The following MMD2 variants were observed in gnomAD, a reference collection of about 807,000 sequenced individuals.
The protein encoded by MMD2 is monocyte to macrophage differentiation factor 2.
A neutral mutation model predicts 33.5 loss-of-function variants in MMD2; 30 were observed. That is an observed-to-expected ratio of 0.90 (90% CI 0.67 to 1.22). The LOEUF (loss-of-function observed/expected upper bound fraction) is 1.22. Among genes scored for constraint, MMD2 ranks in the 50% most tolerant of loss-of-function variants. The probability of loss-of-function intolerance (pLI) is 0.00; values close to 1 mark genes in which losing one functional copy is unlikely to be tolerated. For synonymous variants in MMD2, 129 were observed against 123.0 expected (o/e 1.05, Z -0.32); for missense variants, 364 against 325.4 (o/e 1.12, Z -0.91).
chr7:4,911,307 G>C (rs1032851295), intron 4 of MMD2, 61 bp from the exon 5 acceptor site: 1 of 1,380,808 alleles, frequency 7.2e-7, no homozygotes, highest in Admixed American at 2.0e-5. Context: ...CCCGGCCCTC[G>C]AGGACCGGCC....
downstream of MMD2, among the ~76,000 whole-genome samples, chr7:4,903,563 C>T (rs769854437): frequency 5.9e-5 from 9 of 152,334 alleles, no homozygotes; most frequent in Admixed American, 1.3e-4. Flanking sequence ...GGGAGGCTGT[C>T]GACCCTGGGG....
intron 1 of MMD2, among the ~76,000 whole-genome samples, chr7:4,950,079 TTG>T (rs60203634): frequency 0.036 from 5,392 of 150,000 alleles, 129 homozygotes; most frequent in African/African-American, 0.04. Flanking sequence ...TCACCTTCTT[TTG>T]TGTGTGTGTG....
downstream of MMD2, among the ~76,000 whole-genome samples, chr7:4,905,576 C>T (rs1009285789): frequency 6.6e-6 from 1 of 152,112 alleles, no homozygotes; most frequent in Admixed American, 6.6e-5. The surrounding 1 kb of genome is among the most constrained non-coding windows in gnomAD (Gnocchi z 5.0). Context: ...CCGTCAGCAT[C>T]GTGATCGCAG....
At chr7:4,895,602 T>C in the MMD2 span, among the ~76,000 whole-genome samples, 1 of 151,914 alleles carries the variant, frequency 6.6e-6, no homozygotes, top group Non-Finnish European at 1.5e-5. Context: ...AGTGGCGAGA[T>C]TTCAGCTCAC....
At chr7:4,947,859 T>C (rs1165240779) in intron 1 of MMD2, among the ~76,000 whole-genome samples, 1 of 150,872 alleles carries the variant, frequency 6.6e-6, no homozygotes, top group East Asian at 2.0e-4. Flanking sequence ...CCTCCACACC[T>C]GGCTAATTTT....
chr7:4,938,080 C>T (rs1400318779), intron 1 of MMD2, among the ~76,000 whole-genome samples: 5 of 118,972 alleles, frequency 4.2e-5, no homozygotes, highest in Non-Finnish European at 1.6e-5. Context: ...GGCACGATCT[C>T]AGCTCACTGC....
At position 4,908,805 on chromosome 7, in the gene MMD2, G is replaced by A. The variant is rs1314294722; in HGVS notation, c.537+1076C>T. On this transcript the variant is annotated intron_variant, in intron 6 of 6. Transcript: ENST00000401401. ...CCAGCTACTCAGGAGGCCAAGGCAC[G>A]AGAATCACTTGAACCTGGGAGTTGG... 5.9e-5 allele frequency among the ~76,000 whole-genome samples: 9 copies of A among 151,352 alleles called. No individual in the cohort carries two copies. In the South Asian group the frequency reaches 6.3e-4, roughly 11 times the overall value.
At chr7:4,933,111 C>A (rs1785637263) in intron 1 of MMD2, among the ~76,000 whole-genome samples, 1 of 152,068 alleles carries the variant, frequency 6.6e-6, no homozygotes, top group Non-Finnish European at 1.5e-5. Flanking sequence ...CACGGCAGCT[C>A]ACGCCTGTAA....
downstream of MMD2, among the ~76,000 whole-genome samples, chr7:4,904,259 C>T (rs150454664): frequency 1.3e-5 from 2 of 152,182 alleles, no homozygotes. Flanking sequence ...ACACCCGGTG[C>T]GCAGCCTAGA....
chr7:4,914,841 G>A (rs1459745796), intron 4 of MMD2, among the ~76,000 whole-genome samples: 2 of 152,124 alleles, frequency 1.3e-5, no homozygotes, highest in African/African-American at 4.8e-5. Flanking sequence ...TGAGGCAGGA[G>A]AATCATTCAA....
At chr7:4,925,875 G>C (rs1261158860) in intron 1 of MMD2, among the ~76,000 whole-genome samples, 1 of 152,170 alleles carries the variant, frequency 6.6e-6, no homozygotes, top group Non-Finnish European at 1.5e-5. Context: ...GTGTAGTGGT[G>C]TGATCTCAGC....
At chr7:4,945,037 CCTCTCT>C (rs1230139613) in intron 1 of MMD2, among the ~76,000 whole-genome samples, 2 of 149,892 alleles carry the variant, frequency 1.3e-5, no homozygotes, top group Non-Finnish European at 3.0e-5. Context: ...TCTCCCTCTC[CCTCTCT>C]CTCTCCTTTT....
intron 1 of MMD2, among the ~76,000 whole-genome samples, chr7:4,927,631 C>T (rs926192600): frequency 5.9e-5 from 9 of 151,990 alleles, no homozygotes; most frequent in African/African-American, 4.8e-5. Flanking sequence ...CACTTGAACC[C>T]GGGAGGCAGA....
At chr7:4,953,396 A>G (rs148219408) in intron 1 of MMD2, among the ~76,000 whole-genome samples, 1 of 149,296 alleles carries the variant, frequency 6.7e-6, no homozygotes, top group South Asian at 2.2e-4. Context: ...ATAAAACCCA[A>G]TTCCAATTCT....
chr7:4,944,652 A>G (rs1005599391), intron 1 of MMD2, among the ~76,000 whole-genome samples: 6 of 151,998 alleles, frequency 3.9e-5, no homozygotes, highest in African/African-American at 1.4e-4. Flanking sequence ...AGAATAGCAG[A>G]GAGACAGTCT....
rs567123501 is a variant in MMD2 at position 4,908,732 on chromosome 7, A to C, written c.538-1133T>G. On this transcript the variant is annotated intron_variant, in intron 6 of 6. Transcript: ENST00000401401. The stretch of plus-strand genomic sequence containing the variant: ...GCCAACATAGTGAAACCCCATCTCT[A>C]CTAAAAATACAATAATTAGCCGAGA... Among the ~76,000 whole-genome samples the C allele has an allele frequency of 2.0e-5, 3 of 151,830 alleles. No individual in the cohort carries two copies. In the South Asian group the frequency reaches 6.3e-4, roughly 32 times the overall value.
chr7:4,907,201 G>A lies in MMD2; in HGVS notation c.*195C>T. The stretch of plus-strand genomic sequence containing the variant: ...ACATTACAGGGTTAATTTCTCCTCT[G>A]TAAGAATGGCTAAATGCTTTCTTTC... On this transcript the variant is annotated 3_prime_UTR_variant, in exon 7 of 7. Coordinates refer to ENST00000401401, the MANE Select transcript of MMD2 (RefSeq NM_198403.4). 1 of 595,704 alleles carries A rather than the reference G, an allele frequency of 1.7e-6. No homozygotes were observed. The highest frequency in any genetic ancestry group is 3.0e-6 in the Non-Finnish European group (1 of 332,540). 36.9% of individuals were successfully genotyped at this position (595,704 alleles called of 1,614,324 possible).
rs1008261346 is a variant in MMD2 at position 4,906,765 on chromosome 7, T to A, written c.*631A>T. ...TTCAGCTACTCTGGCCATTATCCCA[T>A]TTCAGAGCACACCAGACAGGAAGGG... On this transcript the variant is annotated 3_prime_UTR_variant, in exon 7 of 7. Transcript: ENST00000401401. 1 of 385,036 alleles carries A rather than the reference T, an allele frequency of 2.6e-6. No individual in the cohort carries two copies. Among genetic ancestry groups the A allele is most frequent in the South Asian group, 1.4e-4 (1 of 6,946 alleles). The allele number at this position is 385,036 out of a possible 1,614,324, so 23.9% of individuals were successfully genotyped here. A position where few individuals can be genotyped will look rare whatever the true frequency, so the allele number is the denominator to read the frequency against.
At chr7:4,903,585 C>T (rs1784822824), downstream of MMD2, among the ~76,000 whole-genome samples, 1 of 152,220 alleles carries the variant, frequency 6.6e-6, no homozygotes, top group African/African-American at 2.4e-5. Flanking sequence ...CAGCCCTAGC[C>T]AAGCTCTGTC....
Sources: allele counts gnomAD v4.1 joint callset (sites outside exome capture counted in the v4.1 genomes callset), GRCh38; gene constraint gnomAD v4.1.1; non-coding constraint Gnocchi (gnomAD v3.1); transcripts MANE v1.5; gene names NCBI Gene and HGNC (gene_info 2026-07-23, HGNC 2026-07-21).